Variants in PDE4D observed in about 807,000 individuals in gnomAD.
The protein encoded by PDE4D is phosphodiesterase 4D.
In PDE4D, 24 loss-of-function variants were observed where a neutral mutation model predicts 87.4. The observed-to-expected ratio is 0.27, with a 90% CI of 0.20 to 0.39. The LOEUF (loss-of-function observed/expected upper bound fraction) is 0.39, where lower values mean the gene tolerates loss of function less well. Among genes scored for constraint, PDE4D ranks in the 10% least tolerant of loss-of-function variants. PDE4D has a pLI of 1.00. For missense variants in PDE4D, 714 were observed against 1,041.0 expected (o/e 0.69, Z 4.32); for synonymous variants, 384 against 383.2 (o/e 1.00, Z -0.02).
At chr5:59,832,616 A>T (rs1214368418) in intron 1 of PDE4D, among the ~76,000 whole-genome samples, 1 of 152,084 alleles carries the variant, frequency 6.6e-6, no homozygotes, top group African/African-American at 2.4e-5. Context: ...TGTAACAATG[A>T]TTCCTAAAAT....
chr5:60,171,465 A>G (rs991023025), intron 2 of PDE4D, among the ~76,000 whole-genome samples: 2 of 152,110 alleles, frequency 1.3e-5, no homozygotes, highest in Non-Finnish European at 2.9e-5. Context: ...CAATTTAAAC[A>G]AAGTATAAAA....
Position 59,441,123 on chromosome 5 carries a change from C to G in PDE4D, c.456-225155G>C, listed in dbSNP as rs1165884663. 2.0e-5 allele frequency among the ~76,000 whole-genome samples: 3 copies of G among 152,168 alleles called. No homozygotes were observed. The South Asian group carries it at 6.2e-4, about 32-fold the overall frequency. ...TTATTTATTTATTTAGAAGCAGGGT[C>G]TCACTCTGTCACCCAGGCAGAAGTG... On this transcript the variant is annotated intron_variant, in intron 1 of 14. Coordinates refer to ENST00000340635, the MANE Select transcript of PDE4D (RefSeq NM_001104631.2).
chr5:59,252,163 C>G (rs910918726), intron 1 of PDE4D, among the ~76,000 whole-genome samples: 1 of 152,028 alleles, frequency 6.6e-6, no homozygotes, highest in Non-Finnish European at 1.5e-5. Context: ...CATGTACCCC[C>G]AAACCTAAAA....
At chr5:60,353,951 C>T (rs1759406355) in intron 1 of PDE4D, among the ~76,000 whole-genome samples, 1 of 152,084 alleles carries the variant, frequency 6.6e-6, no homozygotes, top group Non-Finnish European at 1.5e-5. Context: ...TAAGCAGCTA[C>T]TGCATGAATG....
At chr5:59,871,589 G>A (rs775705423) in intron 1 of PDE4D, among the ~76,000 whole-genome samples, 2 of 152,106 alleles carry the variant, frequency 1.3e-5, no homozygotes. Context: ...CATACACTTC[G>A]GTTGCTTAAT....
chr5:59,023,807 T>C (rs1046159984), intron 6 of PDE4D, among the ~76,000 whole-genome samples: 3 of 152,128 alleles, frequency 2.0e-5, no homozygotes, highest in Non-Finnish European at 4.4e-5. Context: ...CAATGAGTTG[T>C]AGTCAGATTG....
chr5:60,469,405 A>C (rs1186359653), intron 1 of PDE4D, among the ~76,000 whole-genome samples: 1 of 152,086 alleles, frequency 6.6e-6, no homozygotes, highest in Non-Finnish European at 1.5e-5. Flanking sequence ...TTTCTTCTAC[A>C]GCTTCTCTCT....
chr5:59,074,871 T>C (rs1438281679), intron 5 of PDE4D, among the ~76,000 whole-genome samples: 2 of 152,150 alleles, frequency 1.3e-5, no homozygotes. Context: ...AACCAGGACT[T>C]CCACACAATG....
At chr5:59,445,090 C>A (rs1434208725) in intron 1 of PDE4D, among the ~76,000 whole-genome samples, 5 of 152,168 alleles carry the variant, frequency 3.3e-5, no homozygotes, top group East Asian at 1.9e-4. Context: ...CTTCCCACCA[C>A]AATTTACTTA....
At chr5:59,200,336 T>C (rs539355719) in intron 2 of PDE4D, among the ~76,000 whole-genome samples, 1 of 118,646 alleles carries the variant, frequency 8.4e-6, no homozygotes, top group East Asian at 2.7e-4. Context: ...CACGTGTATG[T>C]ACAGCTACAC....
At chr5:59,160,957 A>T (rs1780996676) in intron 5 of PDE4D, among the ~76,000 whole-genome samples, 1 of 152,082 alleles carries the variant, frequency 6.6e-6, no homozygotes, top group African/African-American at 2.4e-5. Flanking sequence ...TTAGCCAGGC[A>T]TGGTGACGTG....
chr5:60,067,323 C>A (rs947888467), intron 2 of PDE4D, among the ~76,000 whole-genome samples: 3 of 151,960 alleles, frequency 2.0e-5, no homozygotes, highest in Non-Finnish European at 4.4e-5. Context: ...CAAATATAAA[C>A]TAGAACTGAA....
intron 1 of PDE4D, among the ~76,000 whole-genome samples, chr5:59,857,971 G>C (rs1410560490): frequency 2.0e-5 from 3 of 150,680 alleles, no homozygotes; most frequent in Non-Finnish European, 4.4e-5. Context: ...AGAATGGAAG[G>C]AAGGAAGGAG....
intron 2 of PDE4D, among the ~76,000 whole-genome samples, chr5:60,100,058 T>C (rs928681404): frequency 6.6e-6 from 1 of 152,008 alleles, no homozygotes; most frequent in Non-Finnish European, 1.5e-5. Flanking sequence ...TGGAATATTA[T>C]GCAGTTGAAA....
chr5:59,829,374 G>A (rs1278068379), intron 1 of PDE4D, among the ~76,000 whole-genome samples: 2 of 152,030 alleles, frequency 1.3e-5, no homozygotes, highest in Non-Finnish European at 1.5e-5. Context: ...ACCCAATTAT[G>A]TAAATTACTT....
At chr5:60,073,346 C>T (rs1160647351) in intron 2 of PDE4D, among the ~76,000 whole-genome samples, 1 of 152,094 alleles carries the variant, frequency 6.6e-6, no homozygotes, top group Non-Finnish European at 1.5e-5. Context: ...AACCTTGCCT[C>T]CCATGGGTAA....
At chr5:60,045,398 T>C (rs1249218491) in intron 2 of PDE4D, among the ~76,000 whole-genome samples, 2 of 152,240 alleles carry the variant, frequency 1.3e-5, no homozygotes, top group East Asian at 3.8e-4. Flanking sequence ...TGGCTTTGGT[T>C]GCCATGGCTT....
At chr5:59,994,347 T>C (rs886863769) in intron 2 of PDE4D, among the ~76,000 whole-genome samples, 22 of 150,920 alleles carry the variant, frequency 1.5e-4, no homozygotes, top group East Asian at 7.7e-4. Context: ...TATACACACA[T>C]ATATATATAC....
intron 1 of PDE4D, among the ~76,000 whole-genome samples, chr5:59,294,492 G>A (rs905016472): frequency 1.3e-5 from 2 of 152,184 alleles, no homozygotes; most frequent in Non-Finnish European, 2.9e-5. Flanking sequence ...AGAGAAAGCA[G>A]TGTCAGATGG....
Sources: allele counts gnomAD v4.1 joint callset (sites outside exome capture counted in the v4.1 genomes callset), GRCh38; gene constraint gnomAD v4.1.1; transcripts MANE v1.5; gene names NCBI Gene and HGNC (gene_info 2026-07-23, HGNC 2026-07-21).